The following CCDC62 variants were observed in gnomAD, a reference collection of about 807,000 sequenced individuals.
CCDC62 encodes coiled-coil domain containing 62.
A neutral mutation model predicts 80.8 loss-of-function variants in CCDC62; 72 were observed. The ratio of observed to expected loss-of-function variants is 0.89; its 90% CI spans 0.74 to 1.08. The LOEUF (loss-of-function observed/expected upper bound fraction) is 1.08, where lower values mean the gene tolerates loss of function less well. Among genes scored for constraint, CCDC62 ranks in the 50% least tolerant of loss-of-function variants. CCDC62 has a pLI of 0.00. For synonymous variants in CCDC62, 286 were observed against 296.5 expected (o/e 0.96, Z 0.36); for missense variants, 704 against 809.4 (o/e 0.87, Z 1.58).
intron 8 of CCDC62, among the ~76,000 whole-genome samples, chr12:122,798,808 G>A (rs1316046623): frequency 6.6e-6 from 1 of 151,222 alleles, no homozygotes; most frequent in African/African-American, 2.4e-5. Flanking sequence ...GGCCTGGCGC[G>A]GTGGCTCATG....
At position 122,798,264 on chromosome 12, in the gene CCDC62, C is replaced by T. The variant is rs76762460; in HGVS notation, c.977+64C>T. ...ATATTCCATCAGCCAGTATTTACTG[C>T]GCACTTACTGTTGGCCAGTACTGAC... On this transcript the variant is annotated intron_variant, in intron 8 of 12. Coordinates refer to ENST00000253079, the MANE Select transcript of CCDC62 (RefSeq NM_201435.5). 839 of 833,188 alleles carry T rather than the reference C, an allele frequency of 1.0e-3. 2 individuals are homozygous for T. The African/African-American group carries it at 0.012, about 12-fold the overall frequency. 51.6% of individuals were successfully genotyped at this position (833,188 alleles called of 1,614,324 possible).
In CCDC62 at chr12:122,820,789, C is replaced by T. The variant is rs367693027; in HGVS notation, c.2002-2577C>T. ...CCAGGTGGCGGAGGTTGCAGTGAGC[C>T]GAGATCACGCCACTGCACTCCAGCC... is the stretch of plus-strand genomic sequence containing the variant. On this transcript the variant is annotated intron_variant, in intron 11 of 12. Coordinates refer to ENST00000253079, the MANE Select transcript of CCDC62 (RefSeq NM_201435.5). 1.1e-3 allele frequency among the ~76,000 whole-genome samples: 169 copies of T among 149,242 alleles called. 2 individuals are homozygous for T. In the East Asian group the frequency reaches 0.028, roughly 25 times the overall value.
Position 122,826,545 on chromosome 12 carries a change from G to A in CCDC62, c.*164G>A. The A allele has an allele frequency of 8.5e-6, 6 of 706,452 alleles. 1 individual carries two copies. In the South Asian group the frequency reaches 9.6e-5, roughly 11 times the overall value. The allele number at this position is 706,452 out of a possible 1,614,324, so 43.8% of individuals were successfully genotyped here. ...TTAATTCCAGCTGGGAGCAGAACTA[G>A]AAAGTTAATTTTTAAACATCTACAC... On this transcript the variant is annotated 3_prime_UTR_variant, in exon 13 of 13. Transcript: ENST00000253079.
chr12:122,791,246 C>G (rs1014094034), intron 5 of CCDC62, among the ~76,000 whole-genome samples: 1 of 152,040 alleles, frequency 6.6e-6, no homozygotes, highest in African/African-American at 2.4e-5. Flanking sequence ...TCAAGCAATT[C>G]TCCTGCCTCA....
intron 5 of CCDC62, among the ~76,000 whole-genome samples, chr12:122,790,233 T>C (rs1159008524): frequency 6.6e-6 from 1 of 152,098 alleles, no homozygotes; most frequent in Admixed American, 6.6e-5. Flanking sequence ...GTATTTTTAG[T>C]AGAGACAGGG....
intron 3 of CCDC62, among the ~76,000 whole-genome samples, chr12:122,784,695 C>A (rs1294561233): frequency 6.6e-6 from 1 of 151,956 alleles, no homozygotes; most frequent in Non-Finnish European, 1.5e-5. Flanking sequence ...ATTAACTGGG[C>A]ATAATGGTGA....
intron 11 of CCDC62, among the ~76,000 whole-genome samples, chr12:122,815,038 C>T (rs931728572): frequency 5.9e-5 from 9 of 152,058 alleles, no homozygotes; most frequent in Admixed American, 4.6e-4. Flanking sequence ...AAGTAATCCT[C>T]CTGCCTCAGC....
intron 12 of CCDC62, among the ~76,000 whole-genome samples, chr12:122,825,316 C>T (rs1247098602): frequency 1.4e-5 from 2 of 143,166 alleles, no homozygotes; most frequent in East Asian, 4.3e-4. Context: ...GCTGGGATTA[C>T]AGGTGCGCAT....
Position 122,806,296 on chromosome 12 carries a change from G to A in CCDC62, c.1851+1G>A, listed in dbSNP as rs753014820. The A allele has an allele frequency of 5.0e-6, 8 of 1,604,106 alleles. No individual in the cohort carries two copies. The highest frequency in any genetic ancestry group is 2.7e-5 in the African/African-American group (2 of 74,520). On this transcript the variant is annotated splice_donor_variant, in intron 10 of 12. Transcript: ENST00000253079. LOFTEE classifies it high-confidence loss of function. ...AGATGCACCAGCATTCAATGAAAAG[G>A]TTCGTATTTTGCTTAGACATCCCCA...
intron 8 of CCDC62, among the ~76,000 whole-genome samples, chr12:122,798,652 G>T (rs1001431517): frequency 6.6e-6 from 1 of 151,066 alleles, no homozygotes; most frequent in Non-Finnish European, 1.5e-5. Context: ...GTGTTCGCGG[G>T]TATATGTAAT....
At chr12:122,802,102 G>T (rs2031348288) in intron 9 of CCDC62, among the ~76,000 whole-genome samples, 1 of 152,056 alleles carries the variant, frequency 6.6e-6, no homozygotes, top group Non-Finnish European at 1.5e-5. Context: ...CAAAGGTTTT[G>T]TTTAAAAACA....
intron 8 of CCDC62, among the ~76,000 whole-genome samples, chr12:122,798,518 G>A (rs1308326311): frequency 2.0e-5 from 3 of 152,004 alleles, no homozygotes; most frequent in South Asian, 2.1e-4. Context: ...CACGAGAATC[G>A]CTTGAACCTG....
intron 11 of CCDC62, among the ~76,000 whole-genome samples, chr12:122,813,794 C>G (rs1047489439): frequency 6.6e-6 from 1 of 151,870 alleles, no homozygotes; most frequent in African/African-American, 2.4e-5. Flanking sequence ...GTAACTGGGA[C>G]TAAAGGCCTA....
Position 122,774,605 on chromosome 12 carries a change from G to T in CCDC62, c.-66G>T. 1 of 1,182,620 alleles carries T rather than the reference G, an allele frequency of 8.5e-7. No individual in the cohort carries two copies. The highest frequency in any genetic ancestry group is 1.1e-6 in the Non-Finnish European group (1 of 933,544). 73.3% of individuals were successfully genotyped at this position (1,182,620 alleles called of 1,614,324 possible). ...CTCGCCCCCGCCGCTCGGGGCAGGC[G>T]CGCCGATGGCGTTTCTGAGGTGACG... On this transcript the variant is annotated 5_prime_UTR_variant, in exon 1 of 13. Coordinates refer to ENST00000253079, the MANE Select transcript of CCDC62 (RefSeq NM_201435.5).
chr12:122,817,042 T>TTTTATTTGTTTATTTATTTATTTA (rs2032194826), intron 11 of CCDC62, among the ~76,000 whole-genome samples: 1 of 150,218 alleles, frequency 6.7e-6, no homozygotes, highest in African/African-American at 2.5e-5. Context: ...TATTTTTAAA[T>TTTTATTTGTTTATTTATTTATTTA]TTTATTTATT....
chr12:122,820,406 G>A (rs2032353833), intron 11 of CCDC62, among the ~76,000 whole-genome samples: 2 of 152,172 alleles, frequency 1.3e-5, no homozygotes, highest in African/African-American at 4.8e-5. Flanking sequence ...TTGGACTTGT[G>A]CCTGCTGTGT....
chr12:122,810,584 A>T (rs1001941210), intron 10 of CCDC62, among the ~76,000 whole-genome samples: 1 of 152,028 alleles, frequency 6.6e-6, no homozygotes, highest in Admixed American at 6.6e-5. Flanking sequence ...ACTGTAAACC[A>T]GTTCAACCAT....
intron 9 of CCDC62, among the ~76,000 whole-genome samples, chr12:122,805,187 CTTTTTTT>C (rs35231650): frequency 1.6e-5 from 1 of 64,482 alleles, no homozygotes; most frequent in Admixed American, 2.1e-4. Context: ...AACTGGCCGG[CTTTTTTT>C]TTTTTTTTTT....
intron 1 of CCDC62, among the ~76,000 whole-genome samples, 183 bp downstream of exon 1, chr12:122,774,889 A>C (rs1879320027): frequency 2.6e-5 from 4 of 151,626 alleles, no homozygotes; most frequent in Admixed American, 2.0e-4. Flanking sequence ...GGAGATCGAG[A>C]CCATCCTGGC....
Sources: gnomAD v4.1 joint callset for allele counts (sites outside exome capture counted in the v4.1 genomes callset) on GRCh38, gnomAD v4.1.1 for gene constraint, MANE v1.5 for transcripts, NCBI Gene and HGNC (gene_info 2026-07-23, HGNC 2026-07-21) for gene names.